Variants in STRN3 observed in about 807,000 individuals in gnomAD.
The protein encoded by STRN3 is striatin 3, also known as striatin-3.
Under a neutral mutation model 95.6 loss-of-function variants are expected in STRN3, and 29 were observed. The ratio of observed to expected loss-of-function variants is 0.30; its 90% CI spans 0.23 to 0.41. The LOEUF (loss-of-function observed/expected upper bound fraction) is 0.41. Among genes scored for constraint, STRN3 ranks in the 10% least tolerant of loss-of-function variants. The pLI, the probability that STRN3 is intolerant of heterozygous loss-of-function variation, is 1.00. For synonymous variants in STRN3, 331 were observed against 357.6 expected, an observed-to-expected ratio of 0.93 and a Z score of 0.84; for missense variants, 890 against 972.1, an observed-to-expected ratio of 0.92 and a Z score of 1.12.
In STRN3 at chr14:30,916,071, C is replaced by A. The variant is rs1030184579; in HGVS notation, c.1241-2414G>T. Among the ~76,000 whole-genome samples the A allele has an allele frequency of 4.6e-5, 7 of 151,994 alleles. No homozygotes were observed. In the South Asian group the frequency reaches 1.5e-3, roughly 32 times the overall value. On this transcript the variant is annotated intron_variant, in intron 9 of 17. Transcript: ENST00000357479. The stretch of plus-strand genomic sequence containing the variant: ...ATTTACACATATATGTGCAAAAATT[C>A]TTTTACACTACTACCTCTGCTTTCC...
intron 1 of STRN3, among the ~76,000 whole-genome samples, chr14:31,012,720 C>G (rs529464145): frequency 1.3e-5 from 2 of 151,998 alleles, no homozygotes; most frequent in East Asian, 1.9e-4. Context: ...GGTGAAACCC[C>G]GTCTCTACTA....
chr14:30,999,134 C>A (rs940236734), intron 1 of STRN3, among the ~76,000 whole-genome samples: 6 of 152,178 alleles, frequency 3.9e-5, no homozygotes, highest in African/African-American at 1.4e-4. Context: ...GCCTCGCCCT[C>A]CTAGGCTCAA....
At position 30,916,343 on chromosome 14, in the gene STRN3, C is replaced by T. The variant is rs564269230; in HGVS notation, c.1240+2623G>A. Among the ~76,000 whole-genome samples the T allele has an allele frequency of 2.7e-4, 40 of 149,620 alleles. No individual in the cohort carries two copies. In the South Asian group the frequency reaches 6.5e-3, roughly 24 times the overall value. On this transcript the variant is annotated intron_variant, in intron 9 of 17. Coordinates refer to ENST00000357479, the MANE Select transcript of STRN3 (RefSeq NM_001083893.2). ...TGGCTGGAGTGCAGTGGCGCGATCTCGGCTCACTGCAAGCTCTGCCTCCCA... is the reference window on the plus strand; with the variant it reads ...TGGCTGGAGTGCAGTGGCGCGATCTTGGCTCACTGCAAGCTCTGCCTCCCA...
rs544289184 is a variant in STRN3, at chr14:30,900,211, TAGAC to T, written c.2137+2321_2137+2324del. ...TGTCTCTACTAAAAATATAAAAAAT[TAGAC>T]AGGCGTGGTAGCAGACGCCTATAAT... On this transcript the variant is annotated intron_variant, in intron 16 of 17. Transcript: ENST00000357479. 8.0e-5 allele frequency among the ~76,000 whole-genome samples: 12 copies of T among 150,382 alleles called. No individual in the cohort carries two copies. In the South Asian group the frequency reaches 2.5e-3, roughly 32 times the overall value.
chr14:31,005,085 G>A (rs1341517722), intron 1 of STRN3, among the ~76,000 whole-genome samples: 2 of 152,114 alleles, frequency 1.3e-5, no homozygotes, highest in South Asian at 2.1e-4. Flanking sequence ...TATAATCCTA[G>A]CACTTTGGAA....
intron 4 of STRN3, 31 bp from the exon 5 acceptor site, chr14:30,947,294 ATACT>A (rs770851451): frequency 6.6e-7 from 1 of 1,521,806 alleles, no homozygotes; most frequent in Admixed American, 2.2e-5. Flanking sequence ...TAAAATCCAC[ATACT>A]GTTAACATGT....
At chr14:30,947,035 CAAT>C in intron 5 of STRN3, 52 bp downstream of exon 5, 2 of 1,078,258 alleles carry the variant, frequency 1.9e-6, no homozygotes, top group Non-Finnish European at 2.5e-6. Flanking sequence ...AAGAGATTAA[CAAT>C]AACAATATCC....
At position 30,956,135 on chromosome 14, in the gene STRN3, A is replaced by T; in HGVS notation, c.386+4T>A. 6.2e-7 allele frequency: 1 copy of T among 1,609,622 alleles called. No individual in the cohort carries two copies. Among genetic ancestry groups the T allele is most frequent in the Non-Finnish European group, 8.5e-7 (1 of 1,176,214 alleles). On this transcript the variant is annotated splice_donor_region_variant and intron_variant, in intron 2 of 17. Transcript: ENST00000357479. ...ATTCATGTAACAAAATGAGGCACACATACCTTTCTTGTTTTAATGCATACT... is the reference window on the plus strand; with the variant it reads ...ATTCATGTAACAAAATGAGGCACACTTACCTTTCTTGTTTTAATGCATACT...
chr14:31,008,485 A>T (rs572579494), intron 1 of STRN3, among the ~76,000 whole-genome samples: 2 of 152,046 alleles, frequency 1.3e-5, no homozygotes, highest in African/African-American at 4.8e-5. Context: ...TCTAGCCTGA[A>T]TGACAGAGCA....
chr14:30,974,733 G>A (rs1594523663), intron 1 of STRN3, among the ~76,000 whole-genome samples: 1 of 152,156 alleles, frequency 6.6e-6, no homozygotes, highest in African/African-American at 2.4e-5. Flanking sequence ...GAGCCTGGGG[G>A]GAGTAGAGGC....
chr14:30,898,190 T>C (rs1896208344), intron 16 of STRN3, among the ~76,000 whole-genome samples: 1 of 151,980 alleles, frequency 6.6e-6, no homozygotes, highest in South Asian at 2.1e-4. Context: ...TTGCCTAGGC[T>C]GGTCTCAAAC....
chr14:31,022,106 G>A (rs1057076582), intron 1 of STRN3, among the ~76,000 whole-genome samples: 4 of 152,124 alleles, frequency 2.6e-5, no homozygotes, highest in Non-Finnish European at 4.4e-5. Flanking sequence ...TCGGCCGGGC[G>A]CGGTGGTTCA....
At chr14:31,010,387 C>G (rs1882916784) in intron 1 of STRN3, among the ~76,000 whole-genome samples, 1 of 110,446 alleles carries the variant, frequency 9.1e-6, no homozygotes, top group Non-Finnish European at 1.7e-5. Context: ...CCCCTCCCCC[C>G]ACCCCATATA....
chr14:30,948,071 TAAGC>T (rs1280675699), intron 4 of STRN3, among the ~76,000 whole-genome samples: 6 of 151,386 alleles, frequency 4.0e-5, no homozygotes, highest in Non-Finnish European at 4.4e-5. Context: ...TGAAAAAAAA[TAAGC>T]AAGATACAAT....
At chr14:30,987,629 C>T (rs190146426) in intron 1 of STRN3, among the ~76,000 whole-genome samples, 1 of 152,180 alleles carries the variant, frequency 6.6e-6, no homozygotes, top group Non-Finnish European at 1.5e-5. Flanking sequence ...GCCATGGTAG[C>T]TTAAAAAGTA....
chr14:30,970,637 G>A (rs1880781611), intron 1 of STRN3, among the ~76,000 whole-genome samples: 1 of 152,154 alleles, frequency 6.6e-6, no homozygotes, highest in Admixed American at 6.6e-5. Flanking sequence ...ATCCCCCACT[G>A]CCTGCACCAG....
intron 8 of STRN3, 42 bp from the exon 9 acceptor site, chr14:30,919,148 C>T: frequency 6.6e-7 from 1 of 1,526,014 alleles, no homozygotes; most frequent in Non-Finnish European, 8.8e-7. Flanking sequence ...TTAATGGCTA[C>T]CGCTTGACTT....
chr14:30,949,901 T>A (rs1033887397), intron 4 of STRN3, among the ~76,000 whole-genome samples: 1 of 152,188 alleles, frequency 6.6e-6, no homozygotes, highest in African/African-American at 2.4e-5. Context: ...CAGGAAACTA[T>A]GAATACATAA....
At chr14:31,001,663 C>T (rs1377531024) in intron 1 of STRN3, among the ~76,000 whole-genome samples, 1 of 152,144 alleles carries the variant, frequency 6.6e-6, no homozygotes, top group Admixed American at 6.6e-5. Flanking sequence ...GGAAGCGGGA[C>T]CTCAGAGACA....
Sources: allele counts gnomAD v4.1 joint callset (sites outside exome capture counted in the v4.1 genomes callset), GRCh38; gene constraint gnomAD v4.1.1; transcripts MANE v1.5; gene names NCBI Gene and HGNC (gene_info 2026-07-23, HGNC 2026-07-21).